The following RELN variants were observed in gnomAD, a reference collection of about 807,000 sequenced individuals.
RELN encodes the protein reelin.
A neutral mutation model predicts 427.6 loss-of-function variants in RELN; 108 were observed. The observed-to-expected ratio is 0.25, with a 90% CI of 0.22 to 0.30. The LOEUF (loss-of-function observed/expected upper bound fraction) is 0.30. Among genes scored for constraint, RELN ranks in the 10% least tolerant of loss-of-function variants. The probability of loss-of-function intolerance (pLI) is 1.00; values close to 1 mark genes in which losing one functional copy is unlikely to be tolerated. For missense variants in RELN, 3,715 were observed against 4,302.8 expected (o/e 0.86, Z 3.82); for synonymous variants, 1,524 against 1,513.4 (o/e 1.01, Z -0.16).
chr7:103,873,205 A>G (rs960535832), intron 2 of RELN, among the ~76,000 whole-genome samples: 1 of 148,196 alleles, frequency 6.7e-6, no homozygotes, highest in Admixed American at 6.8e-5. Context: ...CATTCAAAGC[A>G]GTGTGTAGAG....
chr7:103,599,562 T>C (rs989205826), intron 24 of RELN, among the ~76,000 whole-genome samples: 2 of 152,140 alleles, frequency 1.3e-5, no homozygotes, highest in Non-Finnish European at 1.5e-5. Context: ...CTGCTTGGTA[T>C]TGTGAGGATG....
chr7:103,663,995 C>G (rs1340597001), intron 11 of RELN, among the ~76,000 whole-genome samples: 1 of 152,156 alleles, frequency 6.6e-6, no homozygotes, highest in Non-Finnish European at 1.5e-5. Context: ...TTTCCCTCAC[C>G]TTTTCAAGGC....
At position 103,630,056 on chromosome 7, in the gene RELN, T is replaced by C. The variant is rs747000656; in HGVS notation, c.2586A>G (p.Thr862=). 10 of 1,613,030 alleles carry C rather than the reference T, an allele frequency of 6.2e-6. No homozygotes were observed. The highest frequency in any genetic ancestry group is 1.1e-5 in the South Asian group (1 of 91,062). Residue 862 remains threonine, a synonymous_variant, in exon 20 of 65, where the codon ACA becomes ACG. Coordinates refer to ENST00000428762, the MANE Select transcript of RELN (RefSeq NM_005045.4). ...DVWAIDEIIM[T]SVLFNSISLD... ...GACTAATGCTGTTGAAAAGCACAGA[T>C]GTCATGATAATCTCATCAATAGCCC... is the stretch of plus-strand genomic sequence containing the variant.
At chr7:103,879,381 A>T (rs1199795903) in intron 2 of RELN, among the ~76,000 whole-genome samples, 1 of 152,196 alleles carries the variant, frequency 6.6e-6, no homozygotes, top group Non-Finnish European at 1.5e-5. Context: ...AACTGGAGTT[A>T]TCAAGGGTAG....
At chr7:103,684,427 G>A (rs1374281287) in intron 10 of RELN, among the ~76,000 whole-genome samples, 1 of 152,138 alleles carries the variant, frequency 6.6e-6, no homozygotes, top group Non-Finnish European at 1.5e-5. Context: ...GGCTCTGAAT[G>A]GGAATCCACG....
intron 4 of RELN, among the ~76,000 whole-genome samples, chr7:103,770,913 CTTTT>C (rs751942279): frequency 8.4e-6 from 1 of 119,112 alleles, no homozygotes; most frequent in Non-Finnish European, 1.7e-5. Flanking sequence ...CAATCGCTTA[CTTTT>C]TTTTTTTTTT....
At chr7:103,565,999 C>T (rs1213210623) in intron 33 of RELN, among the ~76,000 whole-genome samples, 1 of 151,788 alleles carries the variant, frequency 6.6e-6, no homozygotes, top group Non-Finnish European at 1.5e-5. Context: ...TTCTAAGAAA[C>T]CTTACTCATA....
chr7:103,528,111 A>C (rs1829864100), intron 46 of RELN, among the ~76,000 whole-genome samples: 1 of 152,230 alleles, frequency 6.6e-6, no homozygotes, highest in Non-Finnish European at 1.5e-5. Flanking sequence ...CTTGCACAGG[A>C]ATGTCCACCA....
chr7:103,730,759 T>C (rs943250652), intron 6 of RELN, among the ~76,000 whole-genome samples: 1 of 152,162 alleles, frequency 6.6e-6, no homozygotes, highest in African/African-American at 2.4e-5. Flanking sequence ...CAAGGTCTTT[T>C]AAATGTCCTT....
At chr7:103,939,721 CTG>C (rs1207139017) in intron 1 of RELN, among the ~76,000 whole-genome samples, 1 of 152,154 alleles carries the variant, frequency 6.6e-6, no homozygotes, top group Non-Finnish European at 1.5e-5. Flanking sequence ...TAATGAAAAA[CTG>C]GAACAGCCTA....
intron 2 of RELN, among the ~76,000 whole-genome samples, chr7:103,871,955 A>C (rs1794345588): frequency 6.6e-6 from 1 of 151,200 alleles, no homozygotes; most frequent in Non-Finnish European, 1.5e-5. Flanking sequence ...AACCAATGAG[A>C]TATAATGCTA....
At chr7:103,589,976 C>T (rs189225791) in intron 27 of RELN, 148 bp from the exon 28 acceptor site, 2 of 673,562 alleles carry the variant, frequency 3.0e-6, no homozygotes, top group Non-Finnish European at 5.4e-6. Context: ...CCAACCAAGA[C>T]CCTTCAATAG....
chr7:103,642,577 A>G (rs1002144024), intron 16 of RELN, among the ~76,000 whole-genome samples: 1 of 152,092 alleles, frequency 6.6e-6, no homozygotes, highest in African/African-American at 2.4e-5. Context: ...TACTCAAAGC[A>G]TGATTCCACT....
intron 6 of RELN, among the ~76,000 whole-genome samples, chr7:103,737,878 G>A (rs1354022175): frequency 1.3e-5 from 2 of 151,986 alleles, no homozygotes; most frequent in Admixed American, 1.3e-4. Context: ...GTAAATTGTG[G>A]ACCTTTCTGT....
intron 43 of RELN, 97 bp from the exon 44 acceptor site, chr7:103,540,552 G>A: frequency 1.8e-6 from 2 of 1,121,928 alleles, no homozygotes; most frequent in Non-Finnish European, 2.7e-6. Context: ...GGGAACGAAA[G>A]GCCTCAATAA....
chr7:103,635,230 T>C (rs1433344525), intron 19 of RELN, among the ~76,000 whole-genome samples, 195 bp downstream of exon 19: 1 of 152,152 alleles, frequency 6.6e-6, no homozygotes, highest in Admixed American at 6.6e-5. Flanking sequence ...TGACAATAAA[T>C]TCCTTCAAAT....
intron 4 of RELN, among the ~76,000 whole-genome samples, chr7:103,755,781 C>G (rs1791132085): frequency 7.0e-6 from 1 of 142,714 alleles, no homozygotes; most frequent in Admixed American, 7.1e-5. Flanking sequence ...CAACCGCACT[C>G]CAGTCTGGGG....
chr7:103,704,602 T>C (rs1156782899), intron 8 of RELN, among the ~76,000 whole-genome samples: 1 of 151,984 alleles, frequency 6.6e-6, no homozygotes, highest in Non-Finnish European at 1.5e-5. Context: ...TCCTGTATCA[T>C]CAATTTCTCA....
intron 10 of RELN, among the ~76,000 whole-genome samples, chr7:103,689,808 A>G (rs903155519): frequency 1.3e-4 from 20 of 152,194 alleles, no homozygotes; most frequent in African/African-American, 3.9e-4. Flanking sequence ...ACTTGTGGAA[A>G]GCAGGCAGCT....
Sources: gnomAD v4.1 joint callset for allele counts (sites outside exome capture counted in the v4.1 genomes callset) on GRCh38, gnomAD v4.1.1 for gene constraint, MANE v1.5 for transcripts, NCBI Gene and HGNC (gene_info 2026-07-23, HGNC 2026-07-21) for gene names.